WWOX: variants seen among roughly 807,000 people sequenced by gnomAD.
The protein encoded by WWOX is WW domain-containing oxidoreductase.
A neutral mutation model predicts 46.2 loss-of-function variants in WWOX; 69 were observed. The ratio of observed to expected loss-of-function variants is 1.49; its 90% CI spans 1.23 to 1.82. The LOEUF (loss-of-function observed/expected upper bound fraction) is 1.82, where lower values mean the gene tolerates loss of function less well. WWOX is among the 40% of genes most tolerant of loss of function. The pLI, the probability that WWOX is intolerant of heterozygous loss-of-function variation, is 0.00. For missense variants in WWOX, 919 were observed against 542.6 expected, an observed-to-expected ratio of 1.69 and a Z score of -6.89; for synonymous variants, 359 against 202.6, an observed-to-expected ratio of 1.77 and a Z score of -6.56.
At chr16:78,663,910 C>G (rs72794740) in intron 8 of WWOX, among the ~76,000 whole-genome samples, 5,636 of 152,264 alleles carry the variant, frequency 0.037, 140 homozygotes, top group Non-Finnish European at 0.058. Context: ...TTGGAGCCAA[C>G]AGGGATAATA....
At chr16:78,563,076 C>G (rs566008206) in intron 8 of WWOX, among the ~76,000 whole-genome samples, 2 of 151,928 alleles carry the variant, frequency 1.3e-5, no homozygotes, top group African/African-American at 2.4e-5. Context: ...TCTGATTTTA[C>G]AGCATACATA....
intron 5 of WWOX, among the ~76,000 whole-genome samples, chr16:78,232,421 C>T (rs1282136970): frequency 6.6e-6 from 1 of 152,180 alleles, no homozygotes; most frequent in Non-Finnish European, 1.5e-5. Flanking sequence ...GTCGTTCCCT[C>T]CCCAGTAGTT....
chr16:78,798,800 G>C lies in WWOX; in HGVS notation c.1056+366048G>C, dbSNP rs566076005. Among the ~76,000 whole-genome samples, 7 of 152,214 alleles carry C rather than the reference G, an allele frequency of 4.6e-5. No homozygotes were observed. In the South Asian group the frequency reaches 1.2e-3, roughly 27 times the overall value. On this transcript the variant is annotated intron_variant, in intron 8 of 8. Coordinates refer to ENST00000566780, the MANE Select transcript of WWOX (RefSeq NM_016373.4). The stretch of plus-strand genomic sequence containing the variant: ...AAGTAATATAAACTGAAGGACACTG[G>C]TCTATTGAGAGACTTAGAAGCTAAT...
intron 5 of WWOX, among the ~76,000 whole-genome samples, chr16:78,358,804 G>T (rs1293567218): frequency 2.0e-5 from 3 of 149,190 alleles, no homozygotes; most frequent in African/African-American, 7.4e-5. Context: ...TGAATTTTGT[G>T]TAGCTCTTTC....
intron 8 of WWOX, among the ~76,000 whole-genome samples, chr16:78,605,397 A>G (rs2045731134): frequency 6.6e-6 from 1 of 151,758 alleles, no homozygotes; most frequent in Admixed American, 6.6e-5. Context: ...ACACAAAGAC[A>G]GGGCTCATGT....
chr16:78,134,343 A>T (rs2033714620), intron 4 of WWOX, among the ~76,000 whole-genome samples: 1 of 150,112 alleles, frequency 6.7e-6, no homozygotes. Context: ...TGCAAAGACT[A>T]TTTTTTTTTT....
chr16:78,394,012 T>G lies in WWOX; in HGVS notation c.605+7064T>G, dbSNP rs2082233712. 2.6e-5 allele frequency among the ~76,000 whole-genome samples: 4 copies of G among 152,306 alleles called. No homozygotes were observed. In the South Asian group the frequency reaches 8.3e-4, roughly 32 times the overall value. On this transcript the variant is annotated intron_variant, in intron 6 of 8. Transcript: ENST00000566780. Reference sequence around the variant, plus strand: ...AGATATAATATTCTTGGATTCATATTCCAAATTTTGCTGTCTCAAATCCAT... The same window carrying G: ...AGATATAATATTCTTGGATTCATATGCCAAATTTTGCTGTCTCAAATCCAT...
At chr16:78,231,642 A>G (rs2037265957) in intron 5 of WWOX, among the ~76,000 whole-genome samples, 3 of 152,172 alleles carry the variant, frequency 2.0e-5, no homozygotes. Context: ...CTTTTGCATC[A>G]TGATAAATTC....
chr16:78,580,810 C>G (rs2045032676), intron 8 of WWOX, among the ~76,000 whole-genome samples: 1 of 152,316 alleles, frequency 6.6e-6, no homozygotes, highest in Admixed American at 6.5e-5. Flanking sequence ...TGATGGCCTT[C>G]ATTAGAATGA....
intron 8 of WWOX, among the ~76,000 whole-genome samples, chr16:79,090,318 T>A (rs1272833116): frequency 7.5e-5 from 11 of 146,756 alleles, no homozygotes; most frequent in South Asian, 2.2e-4. Context: ...TGTGTGTGTG[T>A]GATATAATGT....
chr16:78,697,224 T>C (rs1402258770), intron 8 of WWOX, among the ~76,000 whole-genome samples: 1 of 152,176 alleles, frequency 6.6e-6, no homozygotes, highest in Non-Finnish European at 1.5e-5. Context: ...CTTTTAGTTC[T>C]TCAAGAACTC....
At chr16:78,866,563 T>C (rs941810610) in intron 8 of WWOX, among the ~76,000 whole-genome samples, 5 of 152,124 alleles carry the variant, frequency 3.3e-5, no homozygotes, top group Non-Finnish European at 5.9e-5. Context: ...CACACGAAAT[T>C]GGAAGGGGAA....
In WWOX at chr16:79,102,637, A is replaced by G. The variant is rs1007512350; in HGVS notation, c.1057-108971A>G. Among the ~76,000 whole-genome samples, 3 of 152,160 alleles carry G rather than the reference A, an allele frequency of 2.0e-5. No homozygotes were observed. In the East Asian group the frequency reaches 5.8e-4, roughly 29 times the overall value. ...TGATCTCATTAAACAAGAAACATAT[A>G]TACAGTGCCTACCTAGGAAAGAGCC... On this transcript the variant is annotated intron_variant, in intron 8 of 8. Coordinates refer to ENST00000566780, the MANE Select transcript of WWOX (RefSeq NM_016373.4).
chr16:78,114,719 T>A (rs911687665), intron 3 of WWOX, among the ~76,000 whole-genome samples: 1 of 152,026 alleles, frequency 6.6e-6, no homozygotes, highest in African/African-American at 2.4e-5. Context: ...TAAGGATACA[T>A]GGCAATAGTT....
chr16:79,040,132 A>C (rs2656614), intron 8 of WWOX, among the ~76,000 whole-genome samples: 22,434 of 152,096 alleles, frequency 0.15, 1,760 homozygotes, highest in East Asian at 0.25. Context: ...TCACATCAGT[A>C]ATGTACTTGG....
chr16:78,255,595 G>A (rs1013967294), intron 5 of WWOX, among the ~76,000 whole-genome samples: 1 of 152,002 alleles, frequency 6.6e-6, no homozygotes, highest in African/African-American at 2.4e-5. Flanking sequence ...GGGAAGGCGA[G>A]GCACAAAAGA....
intron 8 of WWOX, among the ~76,000 whole-genome samples, chr16:78,866,486 G>A (rs779951590): frequency 1.3e-5 from 2 of 151,292 alleles, no homozygotes; most frequent in Non-Finnish European, 2.9e-5. Context: ...TTGTTCCTCT[G>A]TCCTTCAGGT....
At chr16:78,913,628 C>T (rs1278864960) in intron 8 of WWOX, among the ~76,000 whole-genome samples, 1 of 148,160 alleles carries the variant, frequency 6.7e-6, no homozygotes, top group Non-Finnish European at 1.5e-5. Flanking sequence ...GCAAGCATTA[C>T]CCCAACCAAT....
intron 8 of WWOX, among the ~76,000 whole-genome samples, chr16:79,006,609 A>G (rs1287436324): frequency 6.6e-6 from 1 of 152,160 alleles, no homozygotes; most frequent in Non-Finnish European, 1.5e-5. Flanking sequence ...ACCGTCTTAA[A>G]AACCTAAATG....
Sources: allele counts gnomAD v4.1 joint callset (sites outside exome capture counted in the v4.1 genomes callset), GRCh38; gene constraint gnomAD v4.1.1; transcripts MANE v1.5; gene names NCBI Gene and HGNC (gene_info 2026-07-23, HGNC 2026-07-21).